MACF1: variants seen among roughly 807,000 people sequenced by gnomAD.
The protein encoded by MACF1 is microtubule actin crosslinking factor 1.
In MACF1, 193 loss-of-function variants were observed where a neutral mutation model predicts 854.8. The observed-to-expected ratio is 0.23, with a 90% CI of 0.20 to 0.25. The LOEUF is 0.25. MACF1 is among the 10% of genes least tolerant of loss of function. The probability of loss-of-function intolerance (pLI) is 1.00; values close to 1 mark genes in which losing one functional copy is unlikely to be tolerated. For synonymous variants in MACF1, 3,185 were observed against 3,226.7 expected, an observed-to-expected ratio of 0.99 and a Z score of 0.44; for missense variants, 7,722 against 8,929.1, an observed-to-expected ratio of 0.86 and a Z score of 5.45.
chr1:39,395,568 G>A lies in MACF1; in HGVS notation c.15816+6910G>A, dbSNP rs114119247. Among the ~76,000 whole-genome samples the A allele has an allele frequency of 6.2e-3, 939 of 152,316 alleles. 4 individuals carry two copies. The highest frequency in any genetic ancestry group is 0.014 in the Middle Eastern group (4 of 294). On this transcript the variant is annotated intron_variant, in intron 58 of 100. Transcript: ENST00000564288. ...TTGGTTGATGATGCATTGCCAAAGAGAAGAGGAACTTCCTTTGTGGACATA... is the reference window on the plus strand; with the variant it reads ...TTGGTTGATGATGCATTGCCAAAGAAAAGAGGAACTTCCTTTGTGGACATA...
At position 39,337,258 on chromosome 1, in the gene MACF1, A is replaced by T. The variant is rs886703208; in HGVS notation, c.10142A>T (p.Glu3381Val). The part of the protein sequence containing the change: ...VSYLSLLRNI[E>V]MRTKQIQPLE... ...TATCTGTCTCTGTTACGGAACATTG[A>T]AATGAGGACCAAACAGATTCAACCT... Residue 3381 changes from glutamate to valine, a missense_variant, in exon 38 of 101, where the codon GAA becomes GTA. By Grantham distance (121) the Glu-to-Val change is moderately radical. Around this residue, in one of 15 missense-constraint regions of MACF1, gnomAD observed 854 missense variants for 852.6 expected, o/e 1.00. Transcript: ENST00000564288. The T allele has an allele frequency of 6.2e-7, 1 of 1,614,172 alleles. No homozygotes were observed. Among genetic ancestry groups the T allele is most frequent in the Non-Finnish European group, 8.5e-7 (1 of 1,179,992 alleles).
rs1264422932 is a variant in MACF1, at chr1:39,118,216, C to T, written c.220+33778C>T. 9.8e-5 allele frequency among the ~76,000 whole-genome samples: 15 copies of T among 152,346 alleles called. 1 individual carries two copies. The highest frequency in any genetic ancestry group is 7.8e-4 in the Admixed American group (12 of 15,312). ...GACCTACTACAAACATTCGTGTGCT[C>T]ACAAGCACCACAGACAGAGCAGCAG... On this transcript the variant is annotated intron_variant, in intron 2 of 93. Transcript: ENST00000361689.
chr1:39,403,880 G>A lies in MACF1; in HGVS notation c.15816+15222G>A, dbSNP rs574296729. On this transcript the variant is annotated intron_variant, in intron 58 of 100. Coordinates refer to ENST00000564288, the MANE Select transcript of MACF1 (RefSeq NM_001394062.1). ...TTCGTGGCTCATGCCTGTAATCCTG[G>A]CACTTTGGGAGGCCGAGGCGGGCAG... Among the ~76,000 whole-genome samples the A allele has an allele frequency of 2.9e-3, 438 of 152,152 alleles. 2 individuals are homozygous for A. The highest frequency in any genetic ancestry group is 0.01 in the African/African-American group (426 of 41,476).
At position 39,350,973 on chromosome 1, in the gene MACF1, A is replaced by G; in HGVS notation, c.11154A>G (p.Glu3718=). Reference sequence around the variant, plus strand: ...AAGAGACACGTGTGGCCCAGAAGGAACTGGAGGAAGCAGTGACCTCCGCCT... The same window carrying G: ...AAGAGACACGTGTGGCCCAGAAGGAGCTGGAGGAAGCAGTGACCTCCGCCT... ...LQEETRVAQK[E]LEEAVTSALQ... Residue 3718 remains glutamate, a synonymous_variant, in exon 43 of 101, where the codon GAA becomes GAG. Transcript: ENST00000564288. 8.1e-6 allele frequency: 13 copies of G among 1,614,168 alleles called. No individual in the cohort carries two copies. Among genetic ancestry groups the G allele is most frequent in the Non-Finnish European group, 1.0e-5 (12 of 1,180,016 alleles).
chr1:39,260,246 C>T (rs1029586579), intron 6 of MACF1: 29 of 152,090 alleles, frequency 1.9e-4, no homozygotes, highest in African/African-American at 7.0e-4. Flanking sequence ...ATTCCAGACT[C>T]TTTTTTTATA....
intron 5 of MACF1, 97 bp downstream of exon 5, chr1:39,254,472 A>G: frequency 1.9e-6 from 2 of 1,059,912 alleles, no homozygotes; most frequent in Admixed American, 1.7e-5. Flanking sequence ...GCTCTCAGTA[A>G]ATGCTAAATC....
At chr1:39,138,687 C>CA (rs1396937374) in intron 2 of MACF1, among the ~76,000 whole-genome samples, 1 of 151,374 alleles carries the variant, frequency 6.6e-6, no homozygotes, top group African/African-American at 2.4e-5. Flanking sequence ...TTTTTGGAGA[C>CA]AGAGTCTTGC....
chr1:39,100,841 G>T (rs1642051400), intron 2 of MACF1, among the ~76,000 whole-genome samples: 1 of 151,778 alleles, frequency 6.6e-6, no homozygotes, highest in East Asian at 2.0e-4. Flanking sequence ...GTGACAGAGT[G>T]AGACTCCGTT....
At chr1:39,447,956 G>A in intron 82 of MACF1, 58 bp downstream of exon 82, 1 of 1,611,152 alleles carries the variant, frequency 6.2e-7, no homozygotes, top group South Asian at 1.1e-5. Flanking sequence ...CATGTATTGA[G>A]TCTCTGGGAT....
intron 2 of MACF1, among the ~76,000 whole-genome samples, chr1:39,100,088 T>A (rs1281408195): frequency 6.6e-6 from 1 of 152,136 alleles, no homozygotes. Flanking sequence ...TGGTGGCACC[T>A]GCCTGTAGTC....
At chr1:39,477,066 TATATATATATATATATATATATATACAC>T (rs1432157727) in intron 97 of MACF1, among the ~76,000 whole-genome samples, 197 of 16,952 alleles carry the variant, frequency 0.012, no homozygotes, top group South Asian at 0.044. Flanking sequence ...TATATATATA[TATATATATATATATATATATATATACAC>T]ACACACACAT....
Position 39,293,595 on chromosome 1 carries a change from C to T in MACF1, c.2130C>T (p.Ile710=), listed in dbSNP as rs375978863. The T allele has an allele frequency of 9.4e-5, 151 of 1,613,112 alleles. No individual in the cohort carries two copies. Among genetic ancestry groups the T allele is most frequent in the Non-Finnish European group, 1.2e-4 (145 of 1,179,516 alleles). Reference sequence around the variant, plus strand: ...ACTGGAGTGACAACAATTCCAATATCTCAGCCAAGAGAAATTACTTCTCTG... The same window carrying T: ...ACTGGAGTGACAACAATTCCAATATTTCAGCCAAGAGAAATTACTTCTCTG... The part of the protein sequence containing the change: ...AYDWSDNNSN[I]SAKRNYFSEL... The change falls in exon 18 of 101, where the codon ATC becomes ATT. Residue 710 remains isoleucine, a synonymous_variant. Transcript: ENST00000564288.
intron 58 of MACF1, among the ~76,000 whole-genome samples, chr1:39,417,390 A>AATTTG (rs1643355800): frequency 6.6e-6 from 1 of 152,160 alleles, no homozygotes; most frequent in Non-Finnish European, 1.5e-5. Flanking sequence ...ATAAGATTAC[A>AATTTG]ATTTGCCAAG....
chr1:39,298,225 A>G (rs1645965144), intron 21 of MACF1, among the ~76,000 whole-genome samples: 1 of 152,072 alleles, frequency 6.6e-6, no homozygotes, highest in Admixed American at 6.5e-5. Context: ...ATTAAAATTG[A>G]TTTTAATTCA....
intron 58 of MACF1, among the ~76,000 whole-genome samples, chr1:39,419,686 G>A (rs1391171808): frequency 2.6e-5 from 4 of 151,948 alleles, no homozygotes; most frequent in African/African-American, 9.7e-5. Context: ...AGGCTGGAGT[G>A]CAGTGGCATG....
chr1:39,351,068 T>C, intron 43 of MACF1, 50 bp downstream of exon 43: 1 of 1,380,094 alleles, frequency 7.2e-7, no homozygotes, highest in Non-Finnish European at 1.0e-6. Flanking sequence ...AAAATTTTGG[T>C]ACCAACACAA....
chr1:39,413,128 T>A, intron 58 of MACF1: 1 of 1,610,464 alleles, frequency 6.2e-7, no homozygotes, highest in Middle Eastern at 1.7e-4. Context: ...CTCCCCAGAG[T>A]GGGCTGCTTT....
chr1:39,281,381 T>C (rs2148379263), intron 6 of MACF1, among the ~76,000 whole-genome samples: 1 of 152,298 alleles, frequency 6.6e-6, no homozygotes, highest in South Asian at 2.1e-4. Context: ...ATGTATATTT[T>C]GTATGTCTTT....
intron 2 of MACF1, among the ~76,000 whole-genome samples, chr1:39,188,723 G>A (rs1398042318): frequency 2.0e-5 from 3 of 152,242 alleles, no homozygotes; most frequent in Non-Finnish European, 2.9e-5. Flanking sequence ...TCCTGCCACA[G>A]CCTCCCAAGT....
Sources: allele counts gnomAD v4.1 joint callset (sites outside exome capture counted in the v4.1 genomes callset), GRCh38; gene constraint gnomAD v4.1.1; regional missense constraint gnomAD v4.1.1; transcripts MANE v1.5; gene names NCBI Gene and HGNC (gene_info 2026-07-23, HGNC 2026-07-21).